Variants in ELF2 observed in about 807,000 individuals in gnomAD.
The protein encoded by ELF2 is ETS-related transcription factor Elf-2.
Under a neutral mutation model 54.8 loss-of-function variants are expected in ELF2, and 11 were observed. That is an observed-to-expected ratio of 0.20 (90% CI 0.13 to 0.33). The LOEUF (loss-of-function observed/expected upper bound fraction) is 0.33. ELF2 is among the 10% of genes least tolerant of loss of function. The pLI is 1.00. For missense variants in ELF2, 513 were observed against 703.0 expected, an observed-to-expected ratio of 0.73 and a Z score of 3.06; for synonymous variants, 203 against 245.1, an observed-to-expected ratio of 0.83 and a Z score of 1.61.
At chr4:139,174,713 T>C (rs939363698) in intron 1 of ELF2, among the ~76,000 whole-genome samples, 1 of 152,212 alleles carries the variant, frequency 6.6e-6, no homozygotes, top group Non-Finnish European at 1.5e-5. Flanking sequence ...TATTAGGTAG[T>C]ATGAGTGATG....
chr4:139,100,274 C>CT (rs11099879), intron 4 of ELF2: 44,853 of 151,410 alleles, frequency 0.3, 6,755 homozygotes, highest in Middle Eastern at 0.36. Flanking sequence ...TTAGAGCTGT[C>CT]TTTTTTTTTC....
intron 4 of ELF2, among the ~76,000 whole-genome samples, chr4:139,122,011 C>T (rs766120093): frequency 5.3e-5 from 8 of 152,100 alleles, no homozygotes; most frequent in Non-Finnish European, 1.0e-4. Flanking sequence ...GATTTTAGTA[C>T]TCCAACACAA....
intron 4 of ELF2, among the ~76,000 whole-genome samples, chr4:139,081,699 T>C (rs892684092): frequency 1.3e-5 from 2 of 152,240 alleles, no homozygotes. Context: ...CTATTGAAAA[T>C]TGGCAGCAAT....
chr4:139,071,147 A>G (rs553869544), intron 6 of ELF2, among the ~76,000 whole-genome samples: 2 of 152,218 alleles, frequency 1.3e-5, no homozygotes, highest in South Asian at 4.2e-4. Context: ...CTCTTTACCC[A>G]CTGGTGAGTT....
At chr4:139,088,103 G>T (rs1004248198) in intron 4 of ELF2, among the ~76,000 whole-genome samples, 2 of 151,852 alleles carry the variant, frequency 1.3e-5, no homozygotes, top group Non-Finnish European at 2.9e-5. Context: ...CCTGGCCAAG[G>T]TGGTGACAGC....
intron 3 of ELF2, among the ~76,000 whole-genome samples, chr4:139,132,237 T>C (rs1006979262): frequency 1.3e-5 from 2 of 152,162 alleles, no homozygotes; most frequent in African/African-American, 4.8e-5. Flanking sequence ...AACAGGTAAT[T>C]TGACAACTTT....
At chr4:139,085,691 A>G (rs1037099616) in intron 4 of ELF2, among the ~76,000 whole-genome samples, 3 of 152,216 alleles carry the variant, frequency 2.0e-5, no homozygotes. Flanking sequence ...TCCTCTTTAA[A>G]TAAGGATCTC....
chr4:139,079,885 G>C (rs532393219), intron 4 of ELF2, among the ~76,000 whole-genome samples: 4 of 152,162 alleles, frequency 2.6e-5, no homozygotes, highest in African/African-American at 9.7e-5. Flanking sequence ...CAGGCTGGGC[G>C]ACAGAGGGAG....
chr4:139,081,890 T>C (rs1177011364), intron 4 of ELF2, among the ~76,000 whole-genome samples: 1 of 148,368 alleles, frequency 6.7e-6, no homozygotes, highest in Non-Finnish European at 1.5e-5. Flanking sequence ...AATAACTGTA[T>C]GTAAAACATA....
chr4:139,140,533 A>G (rs1242360673), intron 1 of ELF2, among the ~76,000 whole-genome samples: 1 of 152,178 alleles, frequency 6.6e-6, no homozygotes, highest in Non-Finnish European at 1.5e-5. Flanking sequence ...GCAGAAGATC[A>G]CTTGAGCCCA....
intron 1 of ELF2, among the ~76,000 whole-genome samples, chr4:139,158,931 G>GT (rs1335905914): frequency 6.6e-6 from 1 of 152,080 alleles, no homozygotes; most frequent in Non-Finnish European, 1.5e-5. Context: ...ATTGAGGACC[G>GT]TAAGAGGTAC....
At position 139,130,032 on chromosome 4, in the gene ELF2, T is replaced by A. The variant is rs535757882; in HGVS notation, c.73-4703A>T. 3.3e-5 allele frequency among the ~76,000 whole-genome samples: 5 copies of A among 152,112 alleles called. 1 individual carries two copies. The South Asian group carries it at 1.0e-3, about 32-fold the overall frequency. ...TGCAGATGATCAAGTTAAGACAAGATAATTAAGATGAGCCCTCACCCAATC... is the reference window on the plus strand; with the variant it reads ...TGCAGATGATCAAGTTAAGACAAGAAAATTAAGATGAGCCCTCACCCAATC... On this transcript the variant is annotated intron_variant, in intron 3 of 9. Coordinates refer to ENST00000686138, the MANE Select transcript of ELF2 (RefSeq NM_001331036.3).
intron 4 of ELF2, among the ~76,000 whole-genome samples, chr4:139,085,962 G>A (rs962678087): frequency 6.6e-6 from 1 of 152,028 alleles, no homozygotes; most frequent in Non-Finnish European, 1.5e-5. Flanking sequence ...GGGAAACTGA[G>A]GCCCCAAGAA....
At chr4:139,081,729 T>A (rs1009524503) in intron 4 of ELF2, among the ~76,000 whole-genome samples, 4 of 152,202 alleles carry the variant, frequency 2.6e-5, no homozygotes, top group Non-Finnish European at 4.4e-5. Flanking sequence ...GAATCATGAT[T>A]CCTAATCTTC....
intron 5 of ELF2, chr4:139,072,299 TCA>T (rs1729625612): frequency 2.9e-6 from 1 of 342,448 alleles, no homozygotes; most frequent in Non-Finnish European, 5.3e-6. Flanking sequence ...CTCCACTCTT[TCA>T]CACTTATACT....
chr4:139,128,136 G>A (rs981953203), intron 3 of ELF2, among the ~76,000 whole-genome samples: 5 of 151,480 alleles, frequency 3.3e-5, no homozygotes, highest in East Asian at 3.9e-4. Context: ...TCAGCCGGGC[G>A]TTGTGGCTCT....
chr4:139,070,045 T>C (rs1333172073), intron 6 of ELF2, among the ~76,000 whole-genome samples: 2 of 151,436 alleles, frequency 1.3e-5, no homozygotes, highest in African/African-American at 4.9e-5. Flanking sequence ...TCTCACTATG[T>C]TGGCCCAGGC....
At position 139,059,224 on chromosome 4, in the gene ELF2, G is replaced by A. The variant is rs769494640; in HGVS notation, c.1541C>T (p.Thr514Ile). 1 of 1,613,828 alleles carries A rather than the reference G, an allele frequency of 6.2e-7. No individual in the cohort carries two copies. The highest frequency in any genetic ancestry group is 8.5e-7 in the Non-Finnish European group (1 of 1,179,878). Residue 514 changes from threonine (T) to isoleucine (I), a missense_variant, in exon 10 of 10, where the codon ACT becomes ATT. By Grantham distance (89) the Thr-to-Ile change is moderately conservative. Transcript: ENST00000686138. ...AGGAGTCTGGCCAGATGCCTGCTGA[G>A]TAGGCATTGATAGTCTCATTACAGG... ...GTPVMRLSMPTQQASGQTPPR... is the reference protein window; with the variant it reads ...GTPVMRLSMPIQQASGQTPPR...
intron 4 of ELF2, among the ~76,000 whole-genome samples, chr4:139,093,654 A>C (rs1418158531): frequency 6.6e-6 from 1 of 152,198 alleles, no homozygotes; most frequent in Non-Finnish European, 1.5e-5. Flanking sequence ...TAATAGAGTA[A>C]AAGAGAAAAA....
Sources: allele counts gnomAD v4.1 joint callset (sites outside exome capture counted in the v4.1 genomes callset), GRCh38; gene constraint gnomAD v4.1.1; transcripts MANE v1.5; gene names NCBI Gene and HGNC (gene_info 2026-07-23, HGNC 2026-07-21).